RBM39: variants seen among roughly 807,000 people sequenced by gnomAD.
RBM39 encodes the protein RNA binding motif protein 39, also known as RNA-binding protein 39.
A neutral mutation model predicts 79.6 loss-of-function variants in RBM39; 12 were observed. The ratio of observed to expected loss-of-function variants is 0.15; its 90% confidence interval spans 0.10 to 0.24. RBM39 has a LOEUF of 0.24. Ranked by LOEUF, RBM39 falls within the 10% of genes least tolerant of loss-of-function variation. RBM39 has a pLI of 1.00. For missense variants in RBM39, 243 were observed against 653.4 expected (o/e 0.37, Z 6.85); for synonymous variants, 185 against 208.4 (o/e 0.89, Z 0.97).
At chr20:35,734,762 CT>C in intron 3 of RBM39, 1 of 1,272,372 alleles carries the variant, frequency 7.9e-7, no homozygotes, top group Non-Finnish European at 1.0e-6. Context: ...AAAATACAAT[CT>C]TTTGCATAAA....
intron 12 of RBM39, among the ~76,000 whole-genome samples, chr20:35,711,252 A>G (rs1300891062): frequency 6.6e-6 from 1 of 152,196 alleles, no homozygotes; most frequent in Non-Finnish European, 1.5e-5. Flanking sequence ...CTTAGTTGTC[A>G]AAGAACATTA....
Position 35,707,181 on chromosome 20 carries a change from C to T in RBM39, c.1246G>A (p.Ala416Thr). The T allele has an allele frequency of 6.2e-7, 1 of 1,607,860 alleles. No homozygotes were observed. The highest frequency in any genetic ancestry group is 8.5e-7 in the Non-Finnish European group (1 of 1,175,986). ...TGTGTTGCAAGTGGCTGAACAGAGG[C>T]AGCTGCAGCTAAAGCTGAAGCTAAA... ...QTEASALAAA[A>T]SVQPLATQCF... The change falls in exon 14 of 17, where the codon GCC becomes ACC. Residue 416 changes from alanine to threonine, a missense_variant. By Grantham distance (58) the Ala-to-Thr change is moderately conservative (BLOSUM62 0). Around this residue, in one of 4 missense-constraint regions of RBM39, gnomAD observed 19 missense variants for 16.1 expected, o/e 1.18. Coordinates refer to ENST00000253363, the MANE Select transcript of RBM39 (RefSeq NM_184234.3).
chr20:35,741,402 C>T (rs1336384752), intron 1 of RBM39: 1 of 153,760 alleles, frequency 6.5e-6, no homozygotes, highest in Non-Finnish European at 1.4e-5. Context: ...TAAGAAAAAC[C>T]TCCAAAAGCC....
At chr20:35,720,214 T>C (rs934362676) in intron 9 of RBM39, among the ~76,000 whole-genome samples, 13 of 152,196 alleles carry the variant, frequency 8.5e-5, no homozygotes, top group Non-Finnish European at 1.6e-4. Flanking sequence ...CTTGGCAACT[T>C]TCTCTCCTCA....
At chr20:35,740,232 G>GA (rs1477189310) in intron 2 of RBM39, 1 of 163,938 alleles carries the variant, frequency 6.1e-6, no homozygotes, top group African/African-American at 2.4e-5. Context: ...AGGGATCCAA[G>GA]AATTTTAGTA....
intron 6 of RBM39, among the ~76,000 whole-genome samples, chr20:35,727,621 G>A (rs1181717609): frequency 4.0e-5 from 6 of 150,762 alleles, no homozygotes; most frequent in Admixed American, 2.6e-4. Context: ...GACTACAGGT[G>A]CACACCACCA....
At chr20:35,724,815 A>T (rs1174195606) in intron 7 of RBM39, 93 bp from the exon 8 acceptor site, 3 of 1,425,096 alleles carry the variant, frequency 2.1e-6, no homozygotes, top group African/African-American at 1.4e-5. Flanking sequence ...AGGTATTTTT[A>T]AAAATTTAAT....
At chr20:35,741,228 T>C (rs1266182451) in intron 1 of RBM39, among the ~76,000 whole-genome samples, 2 of 151,516 alleles carry the variant, frequency 1.3e-5, no homozygotes, top group African/African-American at 4.8e-5. Context: ...GAGACGGGGT[T>C]TCACCATGTT....
Position 35,724,582 on chromosome 20 carries a change from T to C in RBM39, c.675A>G (p.Val225=), listed in dbSNP as rs1569036415. 2 of 1,613,946 alleles carry C rather than the reference T, an allele frequency of 1.2e-6. No individual in the cohort carries two copies. Among genetic ancestry groups the C allele is most frequent in the Non-Finnish European group, 1.7e-6 (2 of 1,179,964 alleles). Reference sequence around the variant, plus strand: ...ACAAAAAAATTACCTGTGATGCCTGTACTATGATTGGCACGCCTAAAACTC... The same window carrying C: ...ACAAAAAAATTACCTGTGATGCCTGCACTATGATTGGCACGCCTAAAACTC... ...GQRVLGVPII[V]QASQAEKNRA... The change falls in exon 8 of 17, where the codon GTA becomes GTG. Residue 225 remains valine (V), a synonymous_variant. Coordinates refer to ENST00000253363, the MANE Select transcript of RBM39 (RefSeq NM_184234.3).
At chr20:35,722,209 C>T (rs2038031243) in intron 8 of RBM39, among the ~76,000 whole-genome samples, 1 of 151,850 alleles carries the variant, frequency 6.6e-6, no homozygotes, top group Admixed American at 6.6e-5. Context: ...AGATCAAGAC[C>T]ATACTGGCTA....
At chr20:35,731,777 G>A in intron 4 of RBM39, 164 bp downstream of exon 4, 2 of 730,494 alleles carry the variant, frequency 2.7e-6, no homozygotes, top group Non-Finnish European at 2.3e-6. Context: ...TCTATGCACT[G>A]TATTTTCACT....
intron 4 of RBM39, among the ~76,000 whole-genome samples, chr20:35,729,987 C>T (rs1213741284): frequency 6.6e-6 from 1 of 152,132 alleles, no homozygotes; most frequent in Non-Finnish European, 1.5e-5. Context: ...TGTACATATA[C>T]AATTTTCATA....
chr20:35,715,858 T>C (rs1351555353), intron 10 of RBM39, among the ~76,000 whole-genome samples: 1 of 151,994 alleles, frequency 6.6e-6, no homozygotes, highest in East Asian at 1.9e-4. Context: ...GCTCTGTTAC[T>C]TCACAGGATG....
chr20:35,716,656 A>C, intron 10 of RBM39, 84 bp downstream of exon 10: 1 of 820,816 alleles, frequency 1.2e-6, no homozygotes, highest in Non-Finnish European at 2.0e-6. Flanking sequence ...TAAGGCCAGG[A>C]GCTAGAGACT....
At chr20:35,719,417 TG>T (rs1428050834) in intron 9 of RBM39, among the ~76,000 whole-genome samples, 2 of 152,070 alleles carry the variant, frequency 1.3e-5, no homozygotes, top group African/African-American at 4.8e-5. Context: ...AAACCTAAAA[TG>T]GGTCTGGGCG....
intron 6 of RBM39, among the ~76,000 whole-genome samples, chr20:35,726,875 G>C (rs1160639100): frequency 2.0e-5 from 3 of 152,106 alleles, no homozygotes; most frequent in African/African-American, 4.8e-5. Context: ...ACCCAGGCTG[G>C]AGTGCAGTGG....
In RBM39 at chr20:35,720,023, T is replaced by TCCA. The variant is rs781673570; in HGVS notation, c.825+1714_825+1716dup. ...GTCTCAAACTCCTGACCTCAAGCGA[T>TCCA]CCACTTGCCTCGGCCTCCCAAACAA... On this transcript the variant is annotated intron_variant, in intron 9 of 16. Coordinates refer to ENST00000253363, the MANE Select transcript of RBM39 (RefSeq NM_184234.3). The TCCA allele has an allele frequency of 9.6e-4, 243 of 253,828 alleles. 1 individual carries two copies. The highest frequency in any genetic ancestry group is 1.8e-3 in the Non-Finnish European group (215 of 117,660). 15.7% of individuals were successfully genotyped at this position (253,828 alleles called of 1,614,324 possible).
chr20:35,707,811 A>G (rs551916306), intron 13 of RBM39: 16 of 418,218 alleles, frequency 3.8e-5, no homozygotes, highest in African/African-American at 1.7e-4. Flanking sequence ...AGAGCAGCAT[A>G]TATGTGTAAT....
intron 9 of RBM39, among the ~76,000 whole-genome samples, chr20:35,717,065 AGGT>A (rs1475985408): frequency 2.0e-5 from 3 of 152,112 alleles, no homozygotes; most frequent in Non-Finnish European, 4.4e-5. Flanking sequence ...GGATCACCTG[AGGT>A]CAGGAGTTTG....
Sources: allele counts gnomAD v4.1 joint callset (sites outside exome capture counted in the v4.1 genomes callset), GRCh38; gene constraint gnomAD v4.1.1; regional missense constraint gnomAD v4.1.1; transcripts MANE v1.5; gene names NCBI Gene and HGNC (gene_info 2026-07-23, HGNC 2026-07-21).